CAB39L: variants seen among roughly 807,000 people sequenced by gnomAD.
CAB39L encodes the protein calcium binding protein 39 like.
In CAB39L, 23 loss-of-function variants were observed where a neutral mutation model predicts 39.1. The ratio of observed to expected loss-of-function variants is 0.59; its 90% confidence interval spans 0.42 to 0.83. The LOEUF is 0.83. CAB39L is among the 40% of genes least tolerant of loss of function. The pLI, the probability that CAB39L is intolerant of heterozygous loss-of-function variation, is 0.00. For synonymous variants in CAB39L, 126 were observed against 137.2 expected (o/e 0.92, Z 0.57); for missense variants, 366 against 391.9 (o/e 0.93, Z 0.56).
At chr13:49,423,767 G>A (rs1158426103) in intron 3 of CAB39L, among the ~76,000 whole-genome samples, 2 of 152,140 alleles carry the variant, frequency 1.3e-5, no homozygotes, top group African/African-American at 2.4e-5. Flanking sequence ...AACACATGGA[G>A]AACACAAACA....
chr13:49,394,364 A>C (rs1956559823), intron 3 of CAB39L, among the ~76,000 whole-genome samples: 1 of 152,044 alleles, frequency 6.6e-6, no homozygotes, highest in African/African-American at 2.4e-5. Context: ...TTATGTTACT[A>C]AGTTTTTTGT....
At chr13:49,419,030 C>T (rs150811549) in intron 3 of CAB39L, among the ~76,000 whole-genome samples, 4 of 151,890 alleles carry the variant, frequency 2.6e-5, no homozygotes, top group Non-Finnish European at 4.4e-5. Flanking sequence ...TGCAGTGGTG[C>T]GATCTCGGCT....
chr13:49,441,392 T>C (rs1303858571), intron 1 of CAB39L, among the ~76,000 whole-genome samples: 2 of 151,804 alleles, frequency 1.3e-5, no homozygotes, highest in South Asian at 4.2e-4. Flanking sequence ...CTGGGCAACA[T>C]AGCAAGATGC....
At chr13:49,404,891 G>GA (rs1956839776) in intron 3 of CAB39L, among the ~76,000 whole-genome samples, 1 of 152,008 alleles carries the variant, frequency 6.6e-6, no homozygotes, top group East Asian at 1.9e-4. Context: ...GCAGTCAAAA[G>GA]AAAAAAGAAT....
At chr13:49,343,897 C>T (rs1955071785) in intron 8 of CAB39L, among the ~76,000 whole-genome samples, 2 of 152,148 alleles carry the variant, frequency 1.3e-5, no homozygotes, top group Non-Finnish European at 2.9e-5. Context: ...GAGTTACCTA[C>T]TGCCTCCTTT....
intron 10 of CAB39L, among the ~76,000 whole-genome samples, chr13:49,315,475 G>T (rs867898376): frequency 2.0e-5 from 3 of 152,082 alleles, no homozygotes; most frequent in African/African-American, 7.2e-5. Flanking sequence ...AAATCACAAA[G>T]AAAATTAGAA....
At chr13:49,363,912 C>T (rs1955700789) in intron 5 of CAB39L, among the ~76,000 whole-genome samples, 1 of 150,038 alleles carries the variant, frequency 6.7e-6, no homozygotes, top group South Asian at 2.1e-4. Flanking sequence ...CTGCTGCCTA[C>T]AAGAAACACA....
chr13:49,366,018 G>A (rs1005856438), intron 5 of CAB39L, among the ~76,000 whole-genome samples: 2 of 152,172 alleles, frequency 1.3e-5, no homozygotes, highest in African/African-American at 4.8e-5. Flanking sequence ...GGATGGAACT[G>A]GAGGCCATTA....
chr13:49,332,766 T>A (rs550135201), intron 9 of CAB39L, among the ~76,000 whole-genome samples: 10 of 151,896 alleles, frequency 6.6e-5, no homozygotes, highest in Non-Finnish European at 1.5e-4. Flanking sequence ...TGTTGCTCTA[T>A]CTTAGAAACT....
intron 3 of CAB39L, among the ~76,000 whole-genome samples, chr13:49,400,479 T>C (rs9596095): frequency 0.09 from 8,570 of 94,732 alleles, 285 homozygotes; most frequent in African/African-American, 0.14. Flanking sequence ...CACACACACA[T>C]GGTTATATTA....
At position 49,378,235 on chromosome 13, in the gene CAB39L, G is replaced by A. The variant is rs1490237736; in HGVS notation, c.112-1104C>T. Among the ~76,000 whole-genome samples the A allele has an allele frequency of 5.4e-5, 5 of 92,948 alleles. 1 individual carries two copies. The East Asian group carries it at 6.3e-4, about 12-fold the overall frequency. The allele number at this position is 92,948 out of a possible 152,430, so 61.0% of individuals were successfully genotyped here. A position where few individuals can be genotyped will look rare whatever the true frequency, so the allele number is the denominator to read the frequency against. On this transcript the variant is annotated intron_variant, in intron 4 of 10. Transcript: ENST00000409308. ...TGGGAAGTGAGGAGCATCTCCGACCGGCAGCCACCCCGTCAGGGAGGGAGG... is the reference window on the plus strand; with the variant it reads ...TGGGAAGTGAGGAGCATCTCCGACCAGCAGCCACCCCGTCAGGGAGGGAGG...
intron 10 of CAB39L, among the ~76,000 whole-genome samples, chr13:49,315,616 G>A (rs1277791787): frequency 6.6e-6 from 1 of 151,986 alleles, no homozygotes; most frequent in East Asian, 1.9e-4. Flanking sequence ...GACTGGGTAC[G>A]GTGGCTCACG....
intron 3 of CAB39L, among the ~76,000 whole-genome samples, chr13:49,400,477 CAT>C (rs71669696): frequency 0.21 from 29,802 of 143,206 alleles, 2,950 homozygotes; most frequent in Middle Eastern, 0.28. Context: ...CACACACACA[CAT>C]GGTTATATTA....
intron 3 of CAB39L, among the ~76,000 whole-genome samples, chr13:49,403,912 GA>G (rs965898660): frequency 1.3e-5 from 2 of 151,880 alleles, no homozygotes; most frequent in African/African-American, 4.8e-5. Flanking sequence ...AGCATTGAGA[GA>G]AAAAAAGTTT....
At chr13:49,315,884 CAAAA>C (rs60700916) in intron 10 of CAB39L, among the ~76,000 whole-genome samples, 1 of 120,320 alleles carries the variant, frequency 8.3e-6, no homozygotes, top group Non-Finnish European at 1.7e-5. Context: ...GTCTCCATCT[CAAAA>C]AAAAAAAAAA....
At chr13:49,399,457 A>G (rs1167451639) in intron 3 of CAB39L, among the ~76,000 whole-genome samples, 3 of 152,062 alleles carry the variant, frequency 2.0e-5, no homozygotes, top group Non-Finnish European at 4.4e-5. Context: ...ATTATTTTAT[A>G]TTTAGTTTCG....
At chr13:49,367,501 C>T (rs1026921396) in intron 5 of CAB39L, among the ~76,000 whole-genome samples, 1 of 152,216 alleles carries the variant, frequency 6.6e-6, no homozygotes, top group Non-Finnish European at 1.5e-5. Context: ...ACAGCAATTG[C>T]GCTCTTGGCA....
chr13:49,414,431 G>C (rs887046851), intron 3 of CAB39L, among the ~76,000 whole-genome samples: 3 of 152,106 alleles, frequency 2.0e-5, no homozygotes, highest in African/African-American at 7.2e-5. Context: ...TGAGAAAATA[G>C]AGATGGCTAG....
At position 49,403,554 on chromosome 13, in the gene CAB39L, G is replaced by A. The variant is rs1027033631; in HGVS notation, c.-31-20613C>T. Among the ~76,000 whole-genome samples the A allele has an allele frequency of 3.3e-5, 5 of 151,928 alleles. No individual in the cohort carries two copies. In the South Asian group the frequency reaches 8.3e-4, roughly 25 times the overall value. On this transcript the variant is annotated intron_variant, in intron 3 of 10. Coordinates refer to ENST00000409308, the MANE Select transcript of CAB39L (RefSeq NM_001079670.3). ...ACAAATAATAGAATTAGTATACAAA[G>A]ACATTAAAACTATTAAAAATATCTT...
Sources: gnomAD v4.1 joint callset for allele counts (sites outside exome capture counted in the v4.1 genomes callset) on GRCh38, gnomAD v4.1.1 for gene constraint, MANE v1.5 for transcripts, NCBI Gene and HGNC (gene_info 2026-07-23, HGNC 2026-07-21) for gene names.